Variants in ATP13A4 observed in about 807,000 individuals in gnomAD.
The protein encoded by ATP13A4 is probable cation-transporting ATPase 13A4.
In ATP13A4, 114 loss-of-function variants were observed where a neutral mutation model predicts 142.5. The ratio of observed to expected loss-of-function variants is 0.80; its 90% confidence interval spans 0.69 to 0.93. The LOEUF is 0.93. ATP13A4 is among the 40% of genes least tolerant of loss of function. The probability of loss-of-function intolerance (pLI) is 0.00; values close to 1 mark genes in which losing one functional copy is unlikely to be tolerated. For synonymous variants in ATP13A4, 488 were observed against 514.8 expected (o/e 0.95, Z 0.70); for missense variants, 1,392 against 1,454.0 (o/e 0.96, Z 0.69).
chr3:193,462,279 A>C (rs1431439672), intron 13 of ATP13A4, among the ~76,000 whole-genome samples: 1 of 152,042 alleles, frequency 6.6e-6, no homozygotes, highest in African/African-American at 2.4e-5. Flanking sequence ...TAGAGTTCTC[A>C]AAATTTGAAT....
At chr3:193,542,081 C>A (rs1002330281) in intron 1 of ATP13A4, among the ~76,000 whole-genome samples, 1 of 152,166 alleles carries the variant, frequency 6.6e-6, no homozygotes, top group Non-Finnish European at 1.5e-5. Context: ...AAAACCCCAT[C>A]ATCTCAGCCC....
At chr3:193,519,626 A>ATTTTTTTTTTTTTTTTTTTTTTT (rs147173408) in intron 1 of ATP13A4, among the ~76,000 whole-genome samples, 1 of 69,010 alleles carries the variant, frequency 1.4e-5, no homozygotes, top group Non-Finnish European at 2.5e-5. Flanking sequence ...GCAATTTGTA[A>ATTTTTTTTTTTTTTTTTTTTTTT]TTTTTTTTTT....
chr3:193,528,285 T>A (rs148861885), intron 1 of ATP13A4, among the ~76,000 whole-genome samples: 1 of 152,308 alleles, frequency 6.6e-6, no homozygotes, highest in East Asian at 1.9e-4. Context: ...CAACTGAGCA[T>A]CAGAATTATC....
chr3:193,446,920 C>T (rs558908541), intron 18 of ATP13A4, among the ~76,000 whole-genome samples: 1 of 152,168 alleles, frequency 6.6e-6, no homozygotes, highest in African/African-American at 2.4e-5. Context: ...GAAAAAAGAA[C>T]AATAATTCAA....
At chr3:193,574,729 C>CA in intron 2 of ATP13A4, among the ~76,000 whole-genome samples, 1 of 152,108 alleles carries the variant, frequency 6.6e-6, no homozygotes, top group Non-Finnish European at 1.5e-5. Flanking sequence ...ACAAACAAAA[C>CA]AAAAAACCTA....
intron 7 of ATP13A4, among the ~76,000 whole-genome samples, chr3:193,488,435 C>T (rs1024308549): frequency 6.6e-6 from 1 of 152,014 alleles, no homozygotes; most frequent in Admixed American, 6.6e-5. Context: ...GTTTTCCCAG[C>T]GGGAGGGAGC....
intron 13 of ATP13A4, among the ~76,000 whole-genome samples, chr3:193,459,952 T>C (rs949700278): frequency 6.6e-6 from 1 of 152,234 alleles, no homozygotes; most frequent in Non-Finnish European, 1.5e-5. Flanking sequence ...AAGAAGAATG[T>C]TGTCTGCAGC....
intron 2 of ATP13A4, among the ~76,000 whole-genome samples, chr3:193,577,857 C>G (rs560709744): frequency 6.6e-6 from 1 of 152,318 alleles, no homozygotes; most frequent in South Asian, 2.1e-4. Context: ...TGCTTTCAAA[C>G]AGTGAGGCTT....
intron 1 of ATP13A4, among the ~76,000 whole-genome samples, chr3:193,525,874 C>T (rs1292478504): frequency 1.3e-5 from 2 of 152,146 alleles, no homozygotes; most frequent in South Asian, 4.1e-4. Context: ...CCCTGTTGAG[C>T]TAGTCTGGAA....
intron 1 of ATP13A4, among the ~76,000 whole-genome samples, chr3:193,583,509 A>G (rs1441255176): frequency 6.6e-6 from 1 of 152,142 alleles, no homozygotes; most frequent in East Asian, 1.9e-4. Context: ...AAAATATTGT[A>G]TCAAATAATA....
At chr3:193,471,729 A>G (rs899072579) in intron 8 of ATP13A4, among the ~76,000 whole-genome samples, 1 of 152,092 alleles carries the variant, frequency 6.6e-6, no homozygotes, top group Non-Finnish European at 1.5e-5. Context: ...AGTGTCTGCA[A>G]AGCTGTTCAT....
chr3:193,462,226 A>G (rs1717993182), intron 13 of ATP13A4, among the ~76,000 whole-genome samples: 2 of 151,144 alleles, frequency 1.3e-5, no homozygotes, highest in African/African-American at 4.8e-5. Flanking sequence ...CCGTCTCAAA[A>G]AAAAAAAAAA....
chr3:193,514,635 C>T (rs2108685170), intron 2 of ATP13A4, 63 bp downstream of exon 2: 2 of 1,588,148 alleles, frequency 1.3e-6, no homozygotes, highest in South Asian at 1.2e-5. Flanking sequence ...CCCCAGCCAT[C>T]CCGTAACACA....
At chr3:193,465,176 C>T (rs1425588141) in intron 11 of ATP13A4, 48 bp from the exon 12 acceptor site, 2 of 1,580,006 alleles carry the variant, frequency 1.3e-6, no homozygotes, top group African/African-American at 1.4e-5. Context: ...CTCTGATGAA[C>T]AGCATATGAC....
intron 1 of ATP13A4, among the ~76,000 whole-genome samples, chr3:193,537,219 C>T (rs1333930946): frequency 6.6e-6 from 1 of 151,978 alleles, no homozygotes; most frequent in Non-Finnish European, 1.5e-5. Flanking sequence ...TATAACTGTA[C>T]CATAATCAAG....
chr3:193,454,200 A>C lies in ATP13A4; in HGVS notation c.1928T>G (p.Phe643Cys), dbSNP rs1241156846. 6.2e-7 allele frequency: 1 copy of C among 1,611,958 alleles called. No homozygotes were observed. Among genetic ancestry groups the C allele is most frequent in the South Asian group, 1.1e-5 (1 of 91,056 alleles). ...FCQPETVPTS[F>C]VSELQIYTTQ... ...CGTGTAAATCTGAAGTTCGCTAACA[A>C]AACTAGTGGGTACTGTTTAGAAAGA... The change falls in exon 17 of 30, where the codon TTT (phenylalanine) becomes TGT (cysteine). Residue 643 changes from phenylalanine to cysteine, a missense_variant. Phe to Cys is a radical substitution (Grantham distance 205). Transcript: ENST00000342695.
At chr3:193,468,476 T>C (rs548221955) in intron 9 of ATP13A4, among the ~76,000 whole-genome samples, 2 of 152,172 alleles carry the variant, frequency 1.3e-5, no homozygotes, top group Admixed American at 6.5e-5. Context: ...TGGCCGGGTG[T>C]AGTGGCTCAC....
chr3:193,455,324 G>A (rs13066123), intron 16 of ATP13A4, among the ~76,000 whole-genome samples: 1 of 125,968 alleles, frequency 7.9e-6, no homozygotes, highest in East Asian at 2.4e-4. Flanking sequence ...CTGGGCAACA[G>A]AGCGAGACTC....
At chr3:193,493,958 GA>G (rs1162058501) in intron 3 of ATP13A4, among the ~76,000 whole-genome samples, 3 of 151,988 alleles carry the variant, frequency 2.0e-5, no homozygotes, top group Non-Finnish European at 4.4e-5. Context: ...GACATTCCAT[GA>G]AAATGGAAAC....
Sources: gnomAD v4.1 joint callset for allele counts (sites outside exome capture counted in the v4.1 genomes callset) on GRCh38, gnomAD v4.1.1 for gene constraint, MANE v1.5 for transcripts, NCBI Gene and HGNC (gene_info 2026-07-23, HGNC 2026-07-21) for gene names.